Variants in SORT1 observed in about 807,000 individuals in gnomAD.
SORT1 encodes the protein sortilin.
In SORT1, 39 loss-of-function variants were observed where a neutral mutation model predicts 101.7. That is an observed-to-expected ratio of 0.38 (90% CI 0.30 to 0.50). The LOEUF (loss-of-function observed/expected upper bound fraction) is 0.50, where lower values mean the gene tolerates loss of function less well. Among genes scored for constraint, SORT1 ranks in the 20% least tolerant of loss-of-function variants. SORT1 has a pLI of 0.90. For missense variants in SORT1, 878 were observed against 1,040.4 expected, an observed-to-expected ratio of 0.84 and a Z score of 2.15; for synonymous variants, 396 against 393.7, an observed-to-expected ratio of 1.01 and a Z score of -0.07.
chr1:109,322,482 C>T (rs1647698582), intron 15 of SORT1, among the ~76,000 whole-genome samples: 3 of 152,138 alleles, frequency 2.0e-5, no homozygotes, highest in Admixed American at 2.0e-4. Context: ...TTCTCTGTGC[C>T]TCAGCTTCCT....
intron 1 of SORT1, among the ~76,000 whole-genome samples, chr1:109,390,100 A>G (rs1175154222): frequency 1.3e-5 from 2 of 152,154 alleles, no homozygotes; most frequent in Admixed American, 6.5e-5. Flanking sequence ...TCCCTTGAAC[A>G]TATCTTGGAT....
rs754323745 is a variant in SORT1 at position 109,367,489 on chromosome 1, G to A, written c.367-8C>T. ...AGTCAAGACTAGAATGACCTGGAGA[G>A]AGAAAAAAGCATTCCGTAAATAAAA... is the stretch of plus-strand genomic sequence containing the variant. On this transcript the variant is annotated splice_region_variant and splice_polypyrimidine_tract_variant and intron_variant, in intron 2 of 19. Transcript: ENST00000256637. 1 of 1,559,484 alleles carries A rather than the reference G, an allele frequency of 6.4e-7. No homozygotes were observed. The highest frequency in any genetic ancestry group is 2.2e-5 in the East Asian group (1 of 44,574).
chr1:109,389,150 C>T (rs1296542579), intron 1 of SORT1, among the ~76,000 whole-genome samples: 1 of 152,198 alleles, frequency 6.6e-6, no homozygotes, highest in Non-Finnish European at 1.5e-5. Flanking sequence ...CAAGCAGGCC[C>T]TGTGGGGGCT....
At chr1:109,363,088 T>G (rs919786455) in intron 3 of SORT1, among the ~76,000 whole-genome samples, 2 of 152,202 alleles carry the variant, frequency 1.3e-5, no homozygotes, top group African/African-American at 4.8e-5. Context: ...ATAGGGAAAT[T>G]TGAGCAATTC....
At chr1:109,319,713 A>C (rs537393371) in intron 15 of SORT1, among the ~76,000 whole-genome samples, 1 of 152,080 alleles carries the variant, frequency 6.6e-6, no homozygotes, top group Non-Finnish European at 1.5e-5. Context: ...TAGAAATACA[A>C]AAAATTAGCC....
At chr1:109,365,533 T>G (rs1332813384) in intron 3 of SORT1, among the ~76,000 whole-genome samples, 1 of 152,220 alleles carries the variant, frequency 6.6e-6, no homozygotes, top group Non-Finnish European at 1.5e-5. Flanking sequence ...CTGTTCTGAT[T>G]GAATAAACAA....
chr1:109,376,818 T>C lies in SORT1; in HGVS notation c.307-7229A>G, dbSNP rs1361047161. Among the ~76,000 whole-genome samples the C allele has an allele frequency of 2.0e-5, 3 of 152,188 alleles. No individual in the cohort carries two copies. In the East Asian group the frequency reaches 5.8e-4, roughly 29 times the overall value. ...TACCTGAGTGATGGGATCATTTGTA[T>C]CCCAGCATCGCACAATATACCCAGG... On this transcript the variant is annotated intron_variant, in intron 1 of 19. Transcript: ENST00000256637.
chr1:109,385,424 T>A lies in SORT1; in HGVS notation c.306+12163A>T, dbSNP rs574193411. Among the ~76,000 whole-genome samples, 6 of 152,252 alleles carry A rather than the reference T, an allele frequency of 3.9e-5. No homozygotes were observed. In the East Asian group the frequency reaches 1.2e-3, roughly 29 times the overall value. ...AAAACCTTTGGCACTTATAAAAGGG[T>A]AGGCTTAGTTTTTGAAAGTCACTTC... is the stretch of plus-strand genomic sequence containing the variant. On this transcript the variant is annotated intron_variant, in intron 1 of 19. Coordinates refer to ENST00000256637, the MANE Select transcript of SORT1 (RefSeq NM_002959.7).
At chr1:109,344,411 C>T (rs955624076) in intron 8 of SORT1, among the ~76,000 whole-genome samples, 2 of 152,222 alleles carry the variant, frequency 1.3e-5, no homozygotes, top group Non-Finnish European at 2.9e-5. Flanking sequence ...GCCAGGCCCC[C>T]TCTGGCCCCA....
chr1:109,329,422 T>A lies in SORT1; in HGVS notation c.1372-1821A>T, dbSNP rs774200633. On this transcript the variant is annotated intron_variant, in intron 11 of 19. Transcript: ENST00000256637. ...GCGCCTGCCACCACACCCGGCTAATTTTTTGTATTTTTAGTAGAGACAGGG... is the reference window on the plus strand; with the variant it reads ...GCGCCTGCCACCACACCCGGCTAATATTTTGTATTTTTAGTAGAGACAGGG... Among the ~76,000 whole-genome samples, 3 of 151,984 alleles carry A rather than the reference T, an allele frequency of 2.0e-5. No individual in the cohort carries two copies. In the South Asian group the frequency reaches 6.2e-4, roughly 32 times the overall value.
chr1:109,342,421 ATAG>A (rs1230608427), intron 8 of SORT1, among the ~76,000 whole-genome samples: 1 of 152,148 alleles, frequency 6.6e-6, no homozygotes, highest in Non-Finnish European at 1.5e-5. Context: ...GCCCTGTAAG[ATAG>A]TATAGTCTTG....
rs1254725571 is a variant in SORT1, at chr1:109,350,931, T to C, written c.780A>G (p.Lys260=). The C allele has an allele frequency of 6.2e-7, 1 of 1,607,882 alleles. No individual in the cohort carries two copies. Among genetic ancestry groups the C allele is most frequent in the African/African-American group, 1.3e-5 (1 of 74,830 alleles). ...AGATGGAGTCTTCTGTTACTCACCA[T>C]TTGGCCAAACATACTGCTTTGTGGA... ...EEIHKAVCLA[K]WGSDNTIFFT... The change falls in exon 6 of 20, where the codon AAA becomes AAG. Residue 260 remains lysine (K), a splice_region_variant and synonymous_variant. Coordinates refer to ENST00000256637, the MANE Select transcript of SORT1 (RefSeq NM_002959.7).
chr1:109,333,682 A>G (rs912081517), intron 11 of SORT1, among the ~76,000 whole-genome samples: 2 of 152,244 alleles, frequency 1.3e-5, no homozygotes, highest in South Asian at 2.1e-4. Context: ...GGAAATACAA[A>G]TAAAAACCAC....
In SORT1 at chr1:109,310,043, C is replaced by A. The variant is rs1268769432; in HGVS notation, c.*4000G>T. ...TCCAAACACAGGAGGTGGGCCAAAT[C>A]ATCAGGGAACAGTCAGTCACCCGCT... On this transcript the variant is annotated 3_prime_UTR_variant, in exon 20 of 20. Coordinates refer to ENST00000256637, the MANE Select transcript of SORT1 (RefSeq NM_002959.7). 1 of 152,582 alleles carries A rather than the reference C, an allele frequency of 6.6e-6. No homozygotes were observed. The highest frequency in any genetic ancestry group is 1.5e-5 in the Non-Finnish European group (1 of 68,040). The allele number at this position is 152,582 out of a possible 1,614,324, so 9.5% of individuals were successfully genotyped here. A position where few individuals can be genotyped will look rare whatever the true frequency, so the allele number is the denominator to read the frequency against.
chr1:109,324,404 A>C (rs1391995134), intron 14 of SORT1, among the ~76,000 whole-genome samples: 1 of 152,116 alleles, frequency 6.6e-6, no homozygotes, highest in East Asian at 1.9e-4. Context: ...TCAAAGTGCT[A>C]GGATTACAGG....
intron 13 of SORT1, among the ~76,000 whole-genome samples, chr1:109,326,428 A>T (rs1398016481): frequency 5.6e-5 from 4 of 70,902 alleles, no homozygotes; most frequent in Admixed American, 1.9e-4. Flanking sequence ...AGACAGAAAG[A>T]ATATATATAT....
chr1:109,379,681 T>C (rs1652098398), intron 1 of SORT1, among the ~76,000 whole-genome samples: 1 of 152,198 alleles, frequency 6.6e-6, no homozygotes, highest in Non-Finnish European at 1.5e-5. Flanking sequence ...AGCTTGATTC[T>C]ACCAGGAGCA....
At chr1:109,347,447 A>C (rs1570932794) in intron 7 of SORT1, 36 bp downstream of exon 7, 1 of 1,461,566 alleles carries the variant, frequency 6.8e-7, no homozygotes. Context: ...TGAATGGACA[A>C]CAGGACATTA....
intron 1 of SORT1, among the ~76,000 whole-genome samples, chr1:109,376,330 CAAAA>C (rs35117356): frequency 5.3e-5 from 5 of 93,770 alleles, no homozygotes; most frequent in Non-Finnish European, 1.1e-4. Flanking sequence ...GACTCCATCT[CAAAA>C]AAAAAAAAAA....
Sources: allele counts gnomAD v4.1 joint callset (sites outside exome capture counted in the v4.1 genomes callset), GRCh38; gene constraint gnomAD v4.1.1; transcripts MANE v1.5; gene names NCBI Gene and HGNC (gene_info 2026-07-23, HGNC 2026-07-21).